Variants in MECOM observed in about 807,000 individuals in gnomAD.
MECOM encodes the protein MDS1 and EVI1 complex locus.
Under a neutral mutation model 116.3 loss-of-function variants are expected in MECOM, and 13 were observed. That is an observed-to-expected ratio of 0.11 (90% CI 0.07 to 0.18). The LOEUF is 0.18. MECOM is among the 10% of genes least tolerant of loss of function. MECOM has a pLI of 1.00. For missense variants in MECOM, 1,299 were observed against 1,509.0 expected (o/e 0.86, Z 2.31); for synonymous variants, 528 against 535.2 (o/e 0.99, Z 0.19).
chr3:169,158,836 T>G (rs912070194), intron 2 of MECOM, among the ~76,000 whole-genome samples: 4 of 152,218 alleles, frequency 2.6e-5, no homozygotes, highest in African/African-American at 9.6e-5. Context: ...CAGTGTGTTT[T>G]TATGCGTAGT....
At chr3:169,327,947 C>T (rs568009851) in intron 2 of MECOM, among the ~76,000 whole-genome samples, 1 of 152,274 alleles carries the variant, frequency 6.6e-6, no homozygotes, top group South Asian at 2.1e-4. Context: ...CATACTGGTA[C>T]ATGAGAGATA....
At chr3:169,388,613 A>G (rs1321578634) in intron 1 of MECOM, among the ~76,000 whole-genome samples, 1 of 152,250 alleles carries the variant, frequency 6.6e-6, no homozygotes, top group Non-Finnish European at 1.5e-5. Context: ...CTTAGAAAAC[A>G]GAGACATTGA....
At chr3:169,390,009 AT>A (rs1371428441) in intron 1 of MECOM, among the ~76,000 whole-genome samples, 1 of 152,148 alleles carries the variant, frequency 6.6e-6, no homozygotes, top group Non-Finnish European at 1.5e-5. Flanking sequence ...AAACTATGCC[AT>A]TTGCATTTGG....
At chr3:169,246,811 G>A (rs1033399792) in intron 2 of MECOM, among the ~76,000 whole-genome samples, 60 of 152,058 alleles carry the variant, frequency 3.9e-4, no homozygotes, top group African/African-American at 1.2e-3. Flanking sequence ...GAGCCACTGC[G>A]CCTGGCCCAC....
At chr3:169,427,370 A>G (rs73879068) in intron 1 of MECOM, among the ~76,000 whole-genome samples, 1 of 152,152 alleles carries the variant, frequency 6.6e-6, no homozygotes, top group Non-Finnish European at 1.5e-5. Context: ...GTAGCTAATT[A>G]TGTCAAAGAA....
chr3:169,402,646 ACT>A (rs929904281), intron 1 of MECOM, among the ~76,000 whole-genome samples: 5 of 151,788 alleles, frequency 3.3e-5, no homozygotes, highest in African/African-American at 1.2e-4. Context: ...ACAGAATGAG[ACT>A]CTGTCTCAAA....
intron 2 of MECOM, among the ~76,000 whole-genome samples, chr3:169,158,725 G>A (rs73167996): frequency 0.07 from 10,713 of 152,250 alleles, 487 homozygotes; most frequent in South Asian, 0.19. Context: ...TCAATTACCT[G>A]CTCACTGTAG....
chr3:169,265,774 G>T (rs1758202568), intron 2 of MECOM, among the ~76,000 whole-genome samples: 1 of 152,206 alleles, frequency 6.6e-6, no homozygotes, highest in African/African-American at 2.4e-5. Context: ...TTCTCATGCA[G>T]GTGGCATATC....
Position 169,191,364 on chromosome 3 carries a change from G to GA in MECOM, c.376-47533_376-47532insT, listed in dbSNP as rs1281308277. Among the ~76,000 whole-genome samples, 4 of 151,830 alleles carry GA rather than the reference G, an allele frequency of 2.6e-5. No individual in the cohort carries two copies. The South Asian group carries it at 8.3e-4, about 31-fold the overall frequency. ...AGAGCACCTGCCTGGACCAGGGATG[G>GA]GGGTGAAGGAAGAGGACCAAGAGGG... On this transcript the variant is annotated intron_variant, in intron 2 of 16. Transcript: ENST00000651503.
intron 1 of MECOM, among the ~76,000 whole-genome samples, chr3:169,639,806 T>C (rs1298046766): frequency 6.6e-6 from 1 of 152,244 alleles, no homozygotes; most frequent in African/African-American, 2.4e-5. Flanking sequence ...AATTCATAAG[T>C]ATCTATACCT....
intron 2 of MECOM, among the ~76,000 whole-genome samples, chr3:169,190,311 C>G (rs1214860554): frequency 6.6e-6 from 1 of 151,922 alleles, no homozygotes; most frequent in Non-Finnish European, 1.5e-5. Context: ...CAGAGGTACT[C>G]AAAACCAGAG....
rs537528369 is a variant in MECOM at position 169,611,471 on chromosome 3, C to T, written c.37+51865G>A. Reference sequence around the variant, plus strand: ...AATGAATGAATGATGGAATAAACACCAACATGGGCAAACAAGCAAGTCAGG... The same window carrying T: ...AATGAATGAATGATGGAATAAACACTAACATGGGCAAACAAGCAAGTCAGG... On this transcript the variant is annotated intron_variant, in intron 1 of 16. Coordinates refer to ENST00000651503, the MANE Select transcript of MECOM (RefSeq NM_004991.4). This position sits in a 1 kb window ranked among gnomAD's most constrained non-coding sequence, Gnocchi z 4.1. Among the ~76,000 whole-genome samples the T allele has an allele frequency of 1.3e-5, 2 of 152,232 alleles. No homozygotes were observed. Among genetic ancestry groups the T allele is most frequent in the East Asian group, 3.9e-4 (2 of 5,180 alleles).
Position 169,095,056 on chromosome 3 carries a change from T to C in MECOM, c.3019+20A>G, listed in dbSNP as rs773077050. 4 of 1,528,814 alleles carry C rather than the reference T, an allele frequency of 2.6e-6. No individual in the cohort carries two copies. Among genetic ancestry groups the C allele is most frequent in the Admixed American group, 4.0e-5 (2 of 49,836 alleles). The allele number at this position is 1,528,814 out of a possible 1,614,324, so 94.7% of individuals were successfully genotyped here. The stretch of plus-strand genomic sequence containing the variant: ...CGAAAAAGAAGTCATCTTTGACTTA[T>C]AACACAATTTATTACGTACCGGACA... On this transcript the variant is annotated intron_variant, in intron 13 of 16. Coordinates refer to ENST00000651503, the MANE Select transcript of MECOM (RefSeq NM_004991.4).
intron 1 of MECOM, among the ~76,000 whole-genome samples, chr3:169,631,510 T>G (rs1772083665): frequency 6.6e-6 from 1 of 152,070 alleles, no homozygotes; most frequent in Non-Finnish European, 1.5e-5. Flanking sequence ...GTGCACAATG[T>G]GCAGGTTAGT....
At position 169,647,274 on chromosome 3, in the gene MECOM, C is replaced by T. The variant is rs569893957; in HGVS notation, c.37+16062G>A. On this transcript the variant is annotated intron_variant, in intron 1 of 16. Coordinates refer to ENST00000651503, the MANE Select transcript of MECOM (RefSeq NM_004991.4). Reference sequence around the variant, plus strand: ...AAACATGTCTCCAGAGCGCTCATCTCTAAGCTAAGACAATAATATCATCCA... The same window carrying T: ...AAACATGTCTCCAGAGCGCTCATCTTTAAGCTAAGACAATAATATCATCCA... 2.0e-5 allele frequency among the ~76,000 whole-genome samples: 3 copies of T among 152,344 alleles called. No homozygotes were observed. The South Asian group carries it at 6.2e-4, about 32-fold the overall frequency.
At chr3:169,656,291 T>C (rs1293921579) in intron 1 of MECOM, among the ~76,000 whole-genome samples, 3 of 152,370 alleles carry the variant, frequency 2.0e-5, no homozygotes, top group Non-Finnish European at 4.4e-5. Context: ...CCTACACACA[T>C]GTTTACTAAC....
chr3:169,641,997 T>C (rs543015383), intron 1 of MECOM, among the ~76,000 whole-genome samples: 23 of 152,226 alleles, frequency 1.5e-4, no homozygotes, highest in African/African-American at 5.5e-4. Flanking sequence ...TGATCTGTCA[T>C]TGAGAAAGAA....
intron 2 of MECOM, among the ~76,000 whole-genome samples, chr3:169,322,597 A>G (rs1161099311): frequency 6.6e-6 from 1 of 152,182 alleles, no homozygotes; most frequent in African/African-American, 2.4e-5. Flanking sequence ...TATACAGTTA[A>G]TTCTTCCTGG....
At chr3:169,222,690 C>T (rs35556421) in intron 2 of MECOM, among the ~76,000 whole-genome samples, 51,525 of 152,012 alleles carry the variant, frequency 0.34, 9,489 homozygotes, top group Middle Eastern at 0.54. Flanking sequence ...AGCAAAGGGC[C>T]AGAGGTACAC....
Sources: allele counts gnomAD v4.1 joint callset (sites outside exome capture counted in the v4.1 genomes callset), GRCh38; gene constraint gnomAD v4.1.1; non-coding constraint Gnocchi (gnomAD v3.1); transcripts MANE v1.5; gene names NCBI Gene and HGNC (gene_info 2026-07-23, HGNC 2026-07-21).